EXOC6B: variants seen among roughly 807,000 people sequenced by gnomAD.
The protein encoded by EXOC6B is exocyst complex component 6B.
EXOC6B carries 54 observed loss-of-function variants against 113.5 expected under a neutral mutation model. The ratio of observed to expected loss-of-function variants is 0.48; its 90% confidence interval spans 0.38 to 0.60. The LOEUF (loss-of-function observed/expected upper bound fraction) is 0.60, where lower values mean the gene tolerates loss of function less well. EXOC6B is among the 20% of genes least tolerant of loss of function. The pLI, the probability that EXOC6B is intolerant of heterozygous loss-of-function variation, is 0.00. For synonymous variants in EXOC6B, 357 were observed against 339.0 expected (o/e 1.05, Z -0.58); for missense variants, 797 against 977.5 (o/e 0.82, Z 2.46).
chr2:72,643,552 G>A (rs1234337900), intron 6 of EXOC6B, among the ~76,000 whole-genome samples: 3 of 145,544 alleles, frequency 2.1e-5, no homozygotes, highest in Non-Finnish European at 3.0e-5. Context: ...TCATAGGTGG[G>A]AAGTGAACAA....
chr2:72,379,192 C>A (rs1311210508), intron 19 of EXOC6B, among the ~76,000 whole-genome samples: 1 of 152,152 alleles, frequency 6.6e-6, no homozygotes, highest in Non-Finnish European at 1.5e-5. Context: ...TCCATAATGA[C>A]ATCACTGAGC....
intron 19 of EXOC6B, among the ~76,000 whole-genome samples, chr2:72,378,611 C>T (rs1019441129): frequency 2.0e-5 from 3 of 152,144 alleles, no homozygotes; most frequent in Non-Finnish European, 4.4e-5. Flanking sequence ...AACTAGAAGT[C>T]CTATTAATGC....
chr2:72,200,925 T>TA (rs1211057025), intron 20 of EXOC6B, among the ~76,000 whole-genome samples: 1 of 152,172 alleles, frequency 6.6e-6, no homozygotes, highest in Non-Finnish European at 1.5e-5. Flanking sequence ...CCCTTTGTTT[T>TA]AAAAAATAAA....
In EXOC6B at chr2:72,591,080, T is replaced by C. The variant is rs558748764; in HGVS notation, c.670-15412A>G. ...AAACATTGTAAATTAAGATCTAGTTTATGAAAATAAATTAAAAGACTAGTA... is the reference window on the plus strand; with the variant it reads ...AAACATTGTAAATTAAGATCTAGTTCATGAAAATAAATTAAAAGACTAGTA... On this transcript the variant is annotated intron_variant, in intron 6 of 21. Transcript: ENST00000272427. Among the ~76,000 whole-genome samples the C allele has an allele frequency of 1.1e-3, 163 of 152,184 alleles. 1 individual carries two copies. Among genetic ancestry groups the C allele is most frequent in the Middle Eastern group, 6.8e-3 (2 of 294 alleles).
chr2:72,193,554 C>T lies in EXOC6B; in HGVS notation c.2197-9367G>A, dbSNP rs147208197. Among the ~76,000 whole-genome samples the T allele has an allele frequency of 4.3e-3, 655 of 152,302 alleles. 6 individuals are homozygous for T. Among genetic ancestry groups the T allele is most frequent in the African/African-American group, 0.014 (602 of 41,564 alleles). On this transcript the variant is annotated intron_variant, in intron 20 of 21. Coordinates refer to ENST00000272427, the MANE Select transcript of EXOC6B (RefSeq NM_015189.3). ...TACTGCATATGAAATGATGTTAAGA[C>T]GTTATCTCTAGTCTTGAGGAAATCA...
At chr2:72,787,734 C>A (rs890370753) in intron 1 of EXOC6B, among the ~76,000 whole-genome samples, 3 of 152,148 alleles carry the variant, frequency 2.0e-5, no homozygotes, top group African/African-American at 7.2e-5. Flanking sequence ...GCAGGTGATC[C>A]TCTTACCTCA....
At chr2:72,735,298 T>C (rs1171364544) in intron 2 of EXOC6B, among the ~76,000 whole-genome samples, 1 of 152,132 alleles carries the variant, frequency 6.6e-6, no homozygotes, top group Admixed American at 6.5e-5. Flanking sequence ...ACATTTTCCA[T>C]TGCAACTCAG....
chr2:72,520,365 C>G (rs1490623946), intron 8 of EXOC6B, among the ~76,000 whole-genome samples: 1 of 152,172 alleles, frequency 6.6e-6, no homozygotes, highest in Non-Finnish European at 1.5e-5. Context: ...TTTTCGATCT[C>G]CATTTATTCT....
chr2:72,642,345 A>G (rs1166274278), intron 6 of EXOC6B, among the ~76,000 whole-genome samples: 6 of 138,562 alleles, frequency 4.3e-5, no homozygotes, highest in Admixed American at 7.5e-5. Context: ...GAGGCATCAC[A>G]CTACCTGACT....
chr2:72,526,273 C>G (rs1701741465), intron 8 of EXOC6B, among the ~76,000 whole-genome samples: 1 of 151,736 alleles, frequency 6.6e-6, no homozygotes, highest in South Asian at 2.1e-4. Context: ...TGTTAATAGT[C>G]CTCATAATGG....
At chr2:72,821,928 C>T (rs899244429) in intron 1 of EXOC6B, among the ~76,000 whole-genome samples, 2 of 152,104 alleles carry the variant, frequency 1.3e-5, no homozygotes, top group African/African-American at 4.8e-5. Context: ...TAATTGTATA[C>T]TTTAAATGGG....
intron 5 of EXOC6B, among the ~76,000 whole-genome samples, chr2:72,723,310 T>C (rs1402682525): frequency 6.6e-6 from 1 of 151,946 alleles, no homozygotes; most frequent in Admixed American, 6.6e-5. Context: ...GTAAAGAAAA[T>C]AAAAGCAGAG....
At chr2:72,764,812 CAAAT>C (rs2104916218) in intron 1 of EXOC6B, among the ~76,000 whole-genome samples, 1 of 152,288 alleles carries the variant, frequency 6.6e-6, no homozygotes, top group East Asian at 1.9e-4. Context: ...TGCAAACAAA[CAAAT>C]AACATTTGCA....
chr2:72,808,517 G>A (rs972091252), intron 1 of EXOC6B, among the ~76,000 whole-genome samples: 3 of 152,164 alleles, frequency 2.0e-5, no homozygotes, highest in Non-Finnish European at 4.4e-5. Context: ...CCAAAACTTT[G>A]TGAGGCCAAG....
intron 20 of EXOC6B, among the ~76,000 whole-genome samples, chr2:72,227,420 C>CATAACCAATA (rs1681313231): frequency 6.6e-6 from 1 of 152,074 alleles, no homozygotes; most frequent in African/African-American, 2.4e-5. Flanking sequence ...TAAACTTGTA[C>CATAACCAATA]ATAACCAATA....
chr2:72,628,206 CCTCAAA>C (rs1672177246), intron 6 of EXOC6B, among the ~76,000 whole-genome samples: 1 of 151,084 alleles, frequency 6.6e-6, no homozygotes, highest in African/African-American at 2.4e-5. Context: ...CTCACTACTG[CCTCAAA>C]CTCCTGGGCT....
intron 20 of EXOC6B, among the ~76,000 whole-genome samples, chr2:72,265,195 G>A (rs982625373): frequency 6.6e-6 from 1 of 151,718 alleles, no homozygotes; most frequent in Non-Finnish European, 1.5e-5. Flanking sequence ...ATGGAGATGA[G>A]GAACTTCTTG....
At chr2:72,715,402 T>A (rs1023056506) in intron 6 of EXOC6B, among the ~76,000 whole-genome samples, 4 of 149,508 alleles carry the variant, frequency 2.7e-5, no homozygotes, top group Admixed American at 6.7e-5. Flanking sequence ...TTTCCCAGCA[T>A]CTACTTCAGA....
At chr2:72,260,555 T>A (rs560374795) in intron 20 of EXOC6B, among the ~76,000 whole-genome samples, 1 of 152,298 alleles carries the variant, frequency 6.6e-6, no homozygotes, top group East Asian at 1.9e-4. Context: ...AGACAGGATT[T>A]CAAACACCCT....
Sources: allele counts gnomAD v4.1 joint callset (sites outside exome capture counted in the v4.1 genomes callset), GRCh38; gene constraint gnomAD v4.1.1; transcripts MANE v1.5; gene names NCBI Gene and HGNC (gene_info 2026-07-23, HGNC 2026-07-21).